The following EDA2R variants were observed in gnomAD, a reference collection of about 807,000 sequenced individuals.
EDA2R encodes the protein ectodysplasin A2 receptor.
In EDA2R, 26 loss-of-function variants were observed where a neutral mutation model predicts 20.1. The ratio of observed to expected loss-of-function variants is 1.30; its 90% CI spans 0.95 to 1.80. The LOEUF (loss-of-function observed/expected upper bound fraction) is 1.80, where lower values mean the gene tolerates loss of function less well. Among genes scored for constraint, EDA2R ranks in the 40% most tolerant of loss-of-function variants. The pLI is 0.00. For synonymous variants in EDA2R, 114 were observed against 88.7 expected (o/e 1.29, Z -1.60); for missense variants, 277 against 228.7 (o/e 1.21, Z -1.36).
intron 1 of EDA2R, among the ~76,000 whole-genome samples, chrX:66,627,333 A>G (rs1173098880): frequency 8.9e-6 from 1 of 112,327 alleles, no homozygotes; most frequent in Non-Finnish European, 1.9e-5. Flanking sequence ...GAAATACAGA[A>G]CTGCAGAAAG....
chrX:66,596,305 A>G lies in EDA2R; in HGVS notation c.*1799T>C, dbSNP rs1253621752. ...CCTGAAGCAAATACTCAACTATGGT[A>G]TTTGCCATGGCCAAACAGAAATTAT... On this transcript the variant is annotated 3_prime_UTR_variant, in exon 7 of 7. Coordinates refer to ENST00000374719, the MANE Select transcript of EDA2R (RefSeq NM_021783.5). The G allele has an allele frequency of 9.0e-6, 1 of 111,093 alleles. No homozygotes were observed. The highest frequency in any genetic ancestry group is 9.6e-5 in the Admixed American group (1 of 10,393). The allele number at this position is 111,093 out of a possible 1,213,427, so 9.2% of individuals were successfully genotyped here.
rs1168061097 is a variant in EDA2R at position 66,596,278 on chromosome X, C to G, written c.*1826G>C. ...GAAAAGTAAAACTGTAAAAAGAACT[C>G]TCCTGAAGCAAATACTCAACTATGG... On this transcript the variant is annotated 3_prime_UTR_variant, in exon 7 of 7. Transcript: ENST00000374719. 9.0e-6 allele frequency: 1 copy of G among 111,222 alleles called. No individual in the cohort carries two copies. The highest frequency in any genetic ancestry group is 2.8e-4 in the East Asian group (1 of 3,517). The allele number at this position is 111,222 out of a possible 1,213,427, so 9.2% of individuals were successfully genotyped here.
chrX:66,620,965 C>CAA (rs376190384), intron 1 of EDA2R, among the ~76,000 whole-genome samples: 1,881 of 55,122 alleles, frequency 0.034, 78 homozygotes, highest in South Asian at 0.071. Context: ...TATCCACTAC[C>CAA]AAAAAAAAAA....
Position 66,597,651 on chromosome X carries a change from ATGTG to A in EDA2R, c.*449_*452del, listed in dbSNP as rs768305887. ...TGTGTGTCTATGTATATGTGTGTGTATGTGTGTGTGTGTGTGTTGAGGAGGGAGA... is the reference window on the plus strand; with the variant it reads ...TGTGTGTCTATGTATATGTGTGTGTATGTGTGTGTGTGTTGAGGAGGGAGA... On this transcript the variant is annotated 3_prime_UTR_variant, in exon 7 of 7. Coordinates refer to ENST00000374719, the MANE Select transcript of EDA2R (RefSeq NM_021783.5). 1.5e-4 allele frequency: 18 copies of A among 118,875 alleles called. No homozygotes were observed. Among genetic ancestry groups the A allele is most frequent in the South Asian group, 6.2e-4 (2 of 3,207 alleles). The allele number at this position is 118,875 out of a possible 1,213,427, so 9.8% of individuals were successfully genotyped here.
rs191004527 is a variant in EDA2R, at chrX:66,620,308, A to G, written c.-10-4278T>C. ...AAATTGAGTTGCTATACTATGGTCA[A>G]TGGATTTTTTAAAGAATGCCAAGAA... On this transcript the variant is annotated intron_variant, in intron 1 of 6. Transcript: ENST00000374719. Among the ~76,000 whole-genome samples, 31 of 111,836 alleles carry G rather than the reference A, an allele frequency of 2.8e-4. No homozygotes were observed. The East Asian group carries it at 7.6e-3, about 27-fold the overall frequency.
chrX:66,605,351 C>T (rs1929484108), intron 2 of EDA2R, 125 bp from the exon 3 acceptor site: 1 of 492,539 alleles, frequency 2.0e-6, no homozygotes, highest in East Asian at 4.0e-5. Flanking sequence ...AGTCATAAAA[C>T]CAATTCACTA....
chrX:66,603,011 C>T (rs775454494), intron 4 of EDA2R, among the ~76,000 whole-genome samples: 1 of 111,998 alleles, frequency 8.9e-6, no homozygotes, highest in Non-Finnish European at 1.9e-5. Context: ...GAAATTAGTA[C>T]AATTAATCGA....
intron 2 of EDA2R, among the ~76,000 whole-genome samples, chrX:66,611,488 CAG>C (rs1378971586): frequency 1.8e-5 from 2 of 111,035 alleles, no homozygotes; most frequent in African/African-American, 3.3e-5. Context: ...ATCAAAGAAA[CAG>C]AAGTTTTTTT....
At chrX:66,600,057 G>C in intron 5 of EDA2R, 197 bp from the exon 6 acceptor site, 2 of 1,162,270 alleles carry the variant, frequency 1.7e-6, no homozygotes, top group African/African-American at 3.6e-5. Flanking sequence ...ATCAGATTGA[G>C]GCTAGCTGGT....
Position 66,599,699 on chromosome X carries a change from C to G in EDA2R, c.679G>C (p.Gly227Arg), listed in dbSNP as rs1269914961. The G allele has an allele frequency of 8.3e-7, 1 of 1,207,677 alleles. No homozygotes were observed. The highest frequency in any genetic ancestry group is 1.8e-5 in the African/African-American group (1 of 57,021). Residue 227 changes from glycine (G) to arginine (R), a missense_variant, in exon 6 of 7, where the codon GGC becomes CGC. Coordinates refer to ENST00000374719, the MANE Select transcript of EDA2R (RefSeq NM_021783.5). ...ILEDDCSSTS[G>R]FPTQESFTMA... is the part of the protein sequence containing the mutation. ...GTAAAGGACTCCTGTGTGGGGAAGC[C>G]ACTAGTCGAGCTGCAGTCGTCCTCG...
intron 2 of EDA2R, 103 bp from the exon 3 acceptor site, chrX:66,605,329 A>C: frequency 1.4e-6 from 1 of 700,484 alleles, no homozygotes; most frequent in Non-Finnish European, 2.0e-6. Context: ...GCAACTTGCA[A>C]CCCCATTACT....
intron 1 of EDA2R, among the ~76,000 whole-genome samples, chrX:66,630,021 C>T (rs940533089): frequency 9.0e-6 from 1 of 111,327 alleles, no homozygotes; most frequent in African/African-American, 3.3e-5. Context: ...AAATCAAAAA[C>T]CCAGAAATAA....
intron 1 of EDA2R, among the ~76,000 whole-genome samples, chrX:66,624,915 C>A (rs1369984001): frequency 2.7e-5 from 3 of 111,965 alleles, no homozygotes; most frequent in African/African-American, 6.5e-5. Flanking sequence ...GGGAAACACA[C>A]TGGGGAAAGT....
At chrX:66,622,112 GGGCCAACAAGT>G (rs1471474149) in intron 1 of EDA2R, among the ~76,000 whole-genome samples, 2 of 111,494 alleles carry the variant, frequency 1.8e-5, no homozygotes, top group Non-Finnish European at 3.8e-5. Flanking sequence ...GTGTTTACAA[GGGCCAACAAGT>G]GGCAATATGA....
intron 1 of EDA2R, among the ~76,000 whole-genome samples, chrX:66,617,621 G>A (rs1024821046): frequency 9.0e-6 from 1 of 111,175 alleles, no homozygotes; most frequent in African/African-American, 3.3e-5. Flanking sequence ...CCCAACATAG[G>A]CGTTTAAAAT....
At chrX:66,629,852 T>C (rs1424824041) in intron 1 of EDA2R, among the ~76,000 whole-genome samples, 2 of 111,038 alleles carry the variant, frequency 1.8e-5, no homozygotes, top group African/African-American at 3.3e-5. Flanking sequence ...CTAAAATTCA[T>C]GTGGAACCAA....
intron 2 of EDA2R, among the ~76,000 whole-genome samples, chrX:66,605,848 T>C (rs190020749): frequency 1.4e-3 from 156 of 112,590 alleles, no homozygotes; most frequent in African/African-American, 4.8e-3. Context: ...ACATAAGTAC[T>C]GTTTTATAAA....
At chrX:66,629,460 A>G (rs1278263300) in intron 1 of EDA2R, among the ~76,000 whole-genome samples, 2 of 111,823 alleles carry the variant, frequency 1.8e-5, no homozygotes, top group African/African-American at 3.3e-5. Context: ...TCCCTCAGAA[A>G]GCTCCTAGAA....
intron 1 of EDA2R, among the ~76,000 whole-genome samples, chrX:66,627,729 A>G (rs1480566598): frequency 8.9e-6 from 1 of 112,258 alleles, no homozygotes; most frequent in Admixed American, 9.4e-5. Context: ...CAGCAACACA[A>G]TAATAGTGGT....
Sources: allele counts gnomAD v4.1 joint callset (sites outside exome capture counted in the v4.1 genomes callset), GRCh38; gene constraint gnomAD v4.1.1; transcripts MANE v1.5; gene names NCBI Gene and HGNC (gene_info 2026-07-23, HGNC 2026-07-21).